SHB: variants seen among roughly 807,000 people sequenced by gnomAD.
The protein encoded by SHB is SH2 domain-containing adapter protein B.
SHB carries 20 observed loss-of-function variants against 52.3 expected under a neutral mutation model. The ratio of observed to expected loss-of-function variants is 0.38; its 90% confidence interval spans 0.27 to 0.56. The LOEUF is 0.56. SHB is among the 20% of genes least tolerant of loss of function. The pLI, the probability that SHB is intolerant of heterozygous loss-of-function variation, is 0.71. For missense variants in SHB, 825 were observed against 723.3 expected (o/e 1.14, Z -1.61); for synonymous variants, 397 against 316.5 (o/e 1.25, Z -2.70).
At chr9:37,964,218 C>T (rs1832724065) in intron 3 of SHB, among the ~76,000 whole-genome samples, 1 of 152,216 alleles carries the variant, frequency 6.6e-6, no homozygotes, top group South Asian at 2.1e-4. Context: ...TGCCTGAGAA[C>T]AGAGGTCCTC....
intron 2 of SHB, among the ~76,000 whole-genome samples, chr9:38,009,111 T>C (rs1415261099): frequency 1.3e-5 from 2 of 152,212 alleles, no homozygotes; most frequent in Non-Finnish European, 2.9e-5. Flanking sequence ...CAAGCAAGAC[T>C]CACAGGCTCC....
Position 37,916,211 on chromosome 9 carries a change from T to TAGC in SHB, c.*3609_*3610insGCT, listed in dbSNP as rs373315571. Among the ~76,000 whole-genome samples, 38 of 152,346 alleles carry TAGC rather than the reference T, an allele frequency of 2.5e-4. No individual in the cohort carries two copies. Among genetic ancestry groups the TAGC allele is most frequent in the Admixed American group, 4.6e-4 (7 of 15,308 alleles). On this transcript the variant is annotated 3_prime_UTR_variant, in exon 6 of 6. Transcript: ENST00000377707. ...ATGGCTTGCCGAATTTGGTCTTCGC[T>TAGC]GATCACCAATTCTGGAAGGGTGGAG...
chr9:37,931,406 C>T (rs1032786332), intron 5 of SHB, among the ~76,000 whole-genome samples: 1 of 152,092 alleles, frequency 6.6e-6, no homozygotes, highest in African/African-American at 2.4e-5. Context: ...AAACAAATAA[C>T]CTGATTATAA....
At position 37,948,625 on chromosome 9, in the gene SHB, C is replaced by A; in HGVS notation, c.1346+10G>T. 1 of 1,612,782 alleles carries A rather than the reference C, an allele frequency of 6.2e-7. No individual in the cohort carries two copies. The highest frequency in any genetic ancestry group is 8.5e-7 in the Non-Finnish European group (1 of 1,179,912). On this transcript the variant is annotated intron_variant, in intron 5 of 5. Transcript: ENST00000377707. ...CGAGGAGGGCTGGGGGTGCTCGGGG[C>A]GGCACTCACCTCAGGGAGAGGGAGT...
chr9:37,933,378 T>C (rs984983970), intron 5 of SHB, among the ~76,000 whole-genome samples: 13 of 152,356 alleles, frequency 8.5e-5, no homozygotes, highest in African/African-American at 3.1e-4. Flanking sequence ...GAGACAACCT[T>C]TGAAGCTTGG....
intron 2 of SHB, among the ~76,000 whole-genome samples, chr9:37,981,052 A>C (rs2117984684): frequency 6.6e-6 from 1 of 152,372 alleles, no homozygotes; most frequent in South Asian, 2.1e-4. Context: ...TCAGAATGGC[A>C]AATGAGCACT....
intron 2 of SHB, among the ~76,000 whole-genome samples, chr9:37,981,259 G>C (rs1820721113): frequency 6.6e-6 from 1 of 152,226 alleles, no homozygotes; most frequent in Non-Finnish European, 1.5e-5. Flanking sequence ...ACCTCAGCTA[G>C]ATCTTCTGGA....
chr9:37,987,300 G>A (rs13298451), intron 2 of SHB, among the ~76,000 whole-genome samples: 17,409 of 152,240 alleles, frequency 0.11, 1,325 homozygotes, highest in East Asian at 0.31. Context: ...CCAGCTTCTC[G>A]TTTAACTCTC....
At chr9:38,042,818 A>C (rs1236441082) in intron 1 of SHB, among the ~76,000 whole-genome samples, 2 of 151,934 alleles carry the variant, frequency 1.3e-5, no homozygotes, top group Admixed American at 6.6e-5. Context: ...ATCCCCACCA[A>C]ATGTCCGCCC....
intron 2 of SHB, among the ~76,000 whole-genome samples, chr9:37,988,885 T>C (rs993049174): frequency 6.6e-6 from 1 of 152,168 alleles, no homozygotes; most frequent in Non-Finnish European, 1.5e-5. Context: ...GCATTAGCCT[T>C]TTTCCTGCCT....
chr9:38,012,793 G>A (rs983028769), intron 2 of SHB, among the ~76,000 whole-genome samples: 1 of 149,378 alleles, frequency 6.7e-6, no homozygotes, highest in African/African-American at 2.5e-5. Flanking sequence ...TCAAGATGAT[G>A]CCCTGTAACT....
rs545346633 is a variant in SHB at position 37,991,350 on chromosome 9, G to A, written c.839-16513C>T. Among the ~76,000 whole-genome samples, 15 of 152,306 alleles carry A rather than the reference G, an allele frequency of 9.8e-5. No individual in the cohort carries two copies. The East Asian group carries it at 2.5e-3, about 25-fold the overall frequency. ...GGCTCCACGCTTTCAGGGACACTGCGTCATGGAATTCCATCAACTTCTACT... is the reference window on the plus strand; with the variant it reads ...GGCTCCACGCTTTCAGGGACACTGCATCATGGAATTCCATCAACTTCTACT... On this transcript the variant is annotated intron_variant, in intron 2 of 5. Coordinates refer to ENST00000377707, the MANE Select transcript of SHB (RefSeq NM_003028.3).
chr9:37,920,833 A>G (rs564418329), intron 5 of SHB, among the ~76,000 whole-genome samples: 10 of 152,236 alleles, frequency 6.6e-5, no homozygotes, highest in African/African-American at 2.4e-4. Context: ...GGCCCAGTCT[A>G]TGTCCACCAT....
chr9:37,916,169 C>T lies in SHB; in HGVS notation c.*3652G>A, dbSNP rs1159313912. Reference sequence around the variant, plus strand: ...GTGCGCCCACATCTAAGACTGTGCGCCCTGCACTCCCTCTGGATGGCTTGC... The same window carrying T: ...GTGCGCCCACATCTAAGACTGTGCGTCCTGCACTCCCTCTGGATGGCTTGC... On this transcript the variant is annotated 3_prime_UTR_variant, in exon 6 of 6. Coordinates refer to ENST00000377707, the MANE Select transcript of SHB (RefSeq NM_003028.3). 1.3e-5 allele frequency among the ~76,000 whole-genome samples: 2 copies of T among 152,234 alleles called. No homozygotes were observed.
rs746946675 is a variant in SHB at position 38,068,051 on chromosome 9, G to A, written c.595C>T (p.Pro199Ser). The change falls in exon 1 of 6, where the codon CCC becomes TCC. Residue 199 changes from proline (P) to serine (S), a missense_variant. Transcript: ENST00000377707. ...ESAAGGGAGD[P>S]LGGACAGGRT... The stretch of plus-strand genomic sequence containing the variant: ...CCGCCCGCGCAGGCGCCCCCCAGGG[G>A]GTCCCCGGCCCCACCGCCCGCGGCG... 10 of 1,499,910 alleles carry A rather than the reference G, an allele frequency of 6.7e-6. No homozygotes were observed. Among genetic ancestry groups the A allele is most frequent in the Admixed American group, 2.3e-5 (1 of 43,854 alleles). 92.9% of individuals were successfully genotyped at this position (1,499,910 alleles called of 1,614,324 possible). A position where few individuals can be genotyped will look rare whatever the true frequency, so the allele number is the denominator to read the frequency against.
At position 38,068,102 on chromosome 9, in the gene SHB, TG is replaced by T; in HGVS notation, c.543del (p.Lys182SerfsTer59). On this transcript the variant is annotated frameshift_variant, in exon 1 of 6. Transcript: ENST00000377707. LOFTEE classifies it high-confidence loss of function. ...ATPAEVRYIS[P>X]KHRLIKVESA... The stretch of plus-strand genomic sequence containing the variant: ...CTCTCCACTTTGATGAGGCGGTGCT[TG>T]GGGGAGATGTAGCGCACCTCGGCCG... 1.3e-6 allele frequency: 2 copies of T among 1,485,726 alleles called. No homozygotes were observed. Among genetic ancestry groups the T allele is most frequent in the Non-Finnish European group, 8.9e-7 (1 of 1,129,800 alleles). 92.0% of individuals were successfully genotyped at this position (1,485,726 alleles called of 1,614,324 possible). A position where few individuals can be genotyped will look rare whatever the true frequency, so the allele number is the denominator to read the frequency against.
intron 1 of SHB, among the ~76,000 whole-genome samples, chr9:38,060,534 A>G (rs190891770): frequency 6.6e-6 from 1 of 152,322 alleles, no homozygotes; most frequent in East Asian, 1.9e-4. Context: ...CCTCATATGT[A>G]AAAATGAAAA....
intron 3 of SHB, among the ~76,000 whole-genome samples, chr9:37,957,718 G>A (rs1294098413): frequency 6.6e-6 from 1 of 152,216 alleles, no homozygotes. Flanking sequence ...CTTATGGAGC[G>A]CAGGGTCCTC....
intron 1 of SHB, among the ~76,000 whole-genome samples, chr9:38,065,464 T>C (rs1821949579): frequency 1.3e-5 from 2 of 152,114 alleles, no homozygotes; most frequent in African/African-American, 4.8e-5. Flanking sequence ...TGGGAAATGA[T>C]GGAATGCAAA....
Sources: allele counts gnomAD v4.1 joint callset (sites outside exome capture counted in the v4.1 genomes callset), GRCh38; gene constraint gnomAD v4.1.1; transcripts MANE v1.5; gene names NCBI Gene and HGNC (gene_info 2026-07-23, HGNC 2026-07-21).